The following ERC1 variants were observed in gnomAD, a reference collection of about 807,000 sequenced individuals.
ERC1 encodes the protein RAB6 interacting protein 2.
ERC1 carries 56 observed loss-of-function variants against 132.0 expected under a neutral mutation model. The ratio of observed to expected loss-of-function variants is 0.42; its 90% confidence interval spans 0.34 to 0.53. The LOEUF (loss-of-function observed/expected upper bound fraction) is 0.53, where lower values mean the gene tolerates loss of function less well. Ranked by LOEUF, ERC1 falls within the 20% of genes least tolerant of loss-of-function variation. ERC1 has a pLI of 0.03. For missense variants in ERC1, 1,202 were observed against 1,349.9 expected (o/e 0.89, Z 1.72); for synonymous variants, 478 against 476.1 (o/e 1.00, Z -0.05).
chr12:1,167,218 G>C (rs1952514872), intron 8 of ERC1, among the ~76,000 whole-genome samples: 2 of 152,240 alleles, frequency 1.3e-5, no homozygotes, highest in Admixed American at 6.5e-5. Flanking sequence ...TGTCAGAGTA[G>C]TAAATACACA....
chr12:1,335,882 T>TTTGG lies in ERC1; in HGVS notation c.2781-35922_2781-35919dup, dbSNP rs140091838. Reference sequence around the variant, plus strand: ...GGCTTATTTATTTACTGTTTATTTATTTGGTTGGTTGGTTGGTTGGTTGGT... The same window carrying TTTGG: ...GGCTTATTTATTTACTGTTTATTTATTTGGTTGGTTGGTTGGTTGGTTGGTTGGT... On this transcript the variant is annotated intron_variant, in intron 15 of 18. Transcript: ENST00000360905. Among the ~76,000 whole-genome samples, 1,031 of 151,930 alleles carry TTTGG rather than the reference T, an allele frequency of 6.8e-3. 12 individuals are homozygous for TTTGG. The highest frequency in any genetic ancestry group is 0.02 in the Admixed American group (311 of 15,262).
At chr12:1,245,178 C>T (rs1045119512) in intron 13 of ERC1, among the ~76,000 whole-genome samples, 1 of 152,140 alleles carries the variant, frequency 6.6e-6, no homozygotes, top group Non-Finnish European at 1.5e-5. Context: ...ATGATCATCT[C>T]GAGAAATTGG....
intron 15 of ERC1, among the ~76,000 whole-genome samples, chr12:1,347,974 C>A (rs898356115): frequency 1.3e-5 from 2 of 152,000 alleles, no homozygotes; most frequent in Non-Finnish European, 2.9e-5. Flanking sequence ...CAGAGTTAGA[C>A]TCGGTCTCAA....
At chr12:1,213,142 G>T (rs1226931657) in intron 12 of ERC1, among the ~76,000 whole-genome samples, 1 of 151,938 alleles carries the variant, frequency 6.6e-6, no homozygotes, top group African/African-American at 2.4e-5. Context: ...CTGACCTACC[G>T]GTATTTTTTT....
rs1024829585 is a variant in ERC1 at position 1,106,147 on chromosome 12, T to C, written c.1161+1323T>C. Among the ~76,000 whole-genome samples the C allele has an allele frequency of 5.3e-5, 8 of 152,350 alleles. No individual in the cohort carries two copies. In the South Asian group the frequency reaches 1.0e-3, roughly 20 times the overall value. On this transcript the variant is annotated intron_variant, in intron 4 of 18. Coordinates refer to ENST00000360905, the MANE Select transcript of ERC1 (RefSeq NM_178040.4). ...CAAATTACCTATGCCTCAGTTTCTT[T>C]ATCAACAAATGGTGATAGTAATAGT...
chr12:1,488,173 G>A (rs1039288260), intron 18 of ERC1, among the ~76,000 whole-genome samples: 2 of 151,122 alleles, frequency 1.3e-5, no homozygotes, highest in African/African-American at 4.9e-5. Flanking sequence ...GATAGATGGG[G>A]TCTCACTACC....
At chr12:1,056,049 T>C (rs1303709445) in intron 2 of ERC1, among the ~76,000 whole-genome samples, 2 of 148,966 alleles carry the variant, frequency 1.3e-5, no homozygotes, top group East Asian at 3.9e-4. Flanking sequence ...TGGAAAACAT[T>C]AATTGTTACT....
intron 6 of ERC1, 100 bp from the exon 7 acceptor site, chr12:1,115,766 C>CT: frequency 9.9e-7 from 1 of 1,012,516 alleles, no homozygotes; most frequent in Admixed American, 2.5e-5. Context: ...GTTCGTGCTG[C>CT]ATTTAGTTTC....
intron 12 of ERC1, among the ~76,000 whole-genome samples, chr12:1,208,725 G>A (rs1202478652): frequency 6.6e-6 from 1 of 152,138 alleles, no homozygotes; most frequent in African/African-American, 2.4e-5. Flanking sequence ...AGCCTGTCTT[G>A]TATGGGAAAT....
At position 1,143,877 on chromosome 12, in the gene ERC1, TG is replaced by T. The variant is rs1354248639; in HGVS notation, c.1737+2091del. On this transcript the variant is annotated intron_variant, in intron 8 of 18. Coordinates refer to ENST00000360905, the MANE Select transcript of ERC1 (RefSeq NM_178040.4). ...TTTTTCATTACATCTTCTAACTGCT[TG>T]TTTTTTTTGTGCACATGAAGGCTTG... Among the ~76,000 whole-genome samples the T allele has an allele frequency of 2.0e-5, 3 of 152,296 alleles. No homozygotes were observed. In the East Asian group the frequency reaches 5.8e-4, roughly 29 times the overall value.
At chr12:1,179,241 C>G (rs987612169) in intron 8 of ERC1, among the ~76,000 whole-genome samples, 1 of 152,024 alleles carries the variant, frequency 6.6e-6, no homozygotes, top group Non-Finnish European at 1.5e-5. Flanking sequence ...TGTCTATATG[C>G]GAGTCCTCTT....
chr12:1,248,070 A>G (rs1442574522), intron 13 of ERC1, among the ~76,000 whole-genome samples: 2 of 152,256 alleles, frequency 1.3e-5, no homozygotes, highest in African/African-American at 4.8e-5. Flanking sequence ...TCCTCAAGCC[A>G]TGATGATGTA....
At position 1,478,166 on chromosome 12, in the gene ERC1, G is replaced by A. The variant is rs571430792; in HGVS notation, c.3214-11927G>A. 5.3e-5 allele frequency among the ~76,000 whole-genome samples: 8 copies of A among 152,266 alleles called. No homozygotes were observed. The East Asian group carries it at 9.7e-4, about 18-fold the overall frequency. ...GGTTATGGCCATTTACACTCCCACC[G>A]GGAGTGTAGGAGAGGCCAAGTGGTT... On this transcript the variant is annotated intron_variant, in intron 18 of 18. Coordinates refer to ENST00000360905, the MANE Select transcript of ERC1 (RefSeq NM_178040.4).
chr12:1,238,035 G>A (rs2075543470), intron 13 of ERC1, among the ~76,000 whole-genome samples: 1 of 151,916 alleles, frequency 6.6e-6, no homozygotes, highest in Non-Finnish European at 1.5e-5. Flanking sequence ...TACTGATTAT[G>A]TTTATAGAAA....
chr12:1,179,406 G>A (rs1416588359), intron 8 of ERC1, among the ~76,000 whole-genome samples: 1 of 151,774 alleles, frequency 6.6e-6, no homozygotes, highest in Non-Finnish European at 1.5e-5. Context: ...TCCTTAGGTT[G>A]GCACACAAAC....
chr12:999,622 T>TTA (rs1338445255), intron 1 of ERC1, among the ~76,000 whole-genome samples: 1 of 148,402 alleles, frequency 6.7e-6, no homozygotes, highest in Non-Finnish European at 1.5e-5. Flanking sequence ...TTTTTTTTTT[T>TTA]TTTTTTTTGA....
intron 14 of ERC1, 53 bp from the exon 15 acceptor site, chr12:1,289,799 T>C: frequency 6.6e-7 from 1 of 1,508,294 alleles, no homozygotes; most frequent in Non-Finnish European, 9.2e-7. Context: ...CCAGGTCCTC[T>C]GACTCTGATT....
At chr12:1,295,261 G>A (rs773757784) in intron 15 of ERC1, among the ~76,000 whole-genome samples, 20 of 152,268 alleles carry the variant, frequency 1.3e-4, no homozygotes, top group South Asian at 1.0e-3. Flanking sequence ...GATTCGAAAG[G>A]TCCCCCATCG....
rs1376338474 is a variant in ERC1 at position 1,371,639 on chromosome 12, T to G, written c.2781-194T>G. 4.1e-5 allele frequency among the ~76,000 whole-genome samples: 6 copies of G among 146,108 alleles called. No homozygotes were observed. The East Asian group carries it at 1.2e-3, about 29-fold the overall frequency. ...TGAATGATGCTGTTGGCGTTTGCTT[T>G]CTTGGTTTTATTACCCTCAAAATGG... is the stretch of plus-strand genomic sequence containing the variant. On this transcript the variant is annotated intron_variant, in intron 15 of 18. Coordinates refer to ENST00000360905, the MANE Select transcript of ERC1 (RefSeq NM_178040.4).
Sources: allele counts gnomAD v4.1 joint callset (sites outside exome capture counted in the v4.1 genomes callset), GRCh38; gene constraint gnomAD v4.1.1; transcripts MANE v1.5; gene names NCBI Gene and HGNC (gene_info 2026-07-23, HGNC 2026-07-21).